The following ZSWIM7 variants were observed in gnomAD, a reference collection of about 807,000 sequenced individuals.
The protein encoded by ZSWIM7 is zinc finger SWIM domain-containing protein 7.
ZSWIM7 carries 22 observed loss-of-function variants against 21.1 expected under a neutral mutation model. The observed-to-expected ratio is 1.04, with a 90% CI of 0.74 to 1.49. ZSWIM7 has a LOEUF of 1.49. ZSWIM7 is among the 40% of genes most tolerant of loss of function. The probability of loss-of-function intolerance (pLI) is 0.00; values close to 1 mark genes in which losing one functional copy is unlikely to be tolerated. For synonymous variants in ZSWIM7, 67 were observed against 66.5 expected (o/e 1.01, Z -0.04); for missense variants, 193 against 168.0 (o/e 1.15, Z -0.82).
rs1458693437 is a variant in ZSWIM7 at position 15,982,674 on chromosome 17, C to T, written c.202-1530G>A. Among the ~76,000 whole-genome samples, 8 of 151,960 alleles carry T rather than the reference C, an allele frequency of 5.3e-5. No homozygotes were observed. The East Asian group carries it at 1.4e-3, about 26-fold the overall frequency. On this transcript the variant is annotated intron_variant, in intron 3 of 4. Coordinates refer to ENST00000399277, the MANE Select transcript of ZSWIM7 (RefSeq NM_001042697.2). Reference sequence around the variant, plus strand: ...TTTTTTAATTTTTGTTTTTTGGAGACAGGATGTTGTTCTGTCATCCAGGCT... The same window carrying T: ...TTTTTTAATTTTTGTTTTTTGGAGATAGGATGTTGTTCTGTCATCCAGGCT...
At chr17:15,996,315 A>C (rs186843893) in intron 1 of ZSWIM7, among the ~76,000 whole-genome samples, 12 of 151,986 alleles carry the variant, frequency 7.9e-5, no homozygotes, top group Admixed American at 5.9e-4. Context: ...AAAAAAACCC[A>C]AAAAAACAAA....
chr17:15,993,635 G>A (rs1970511863), intron 2 of ZSWIM7, 122 bp downstream of exon 2: 1 of 733,920 alleles, frequency 1.4e-6, no homozygotes. Context: ...CAAAGTGCTG[G>A]GATTATAGGC....
rs910345615 is a variant in ZSWIM7 at position 15,977,973 on chromosome 17, T to C, written c.*74A>G. 25 of 1,207,488 alleles carry C rather than the reference T, an allele frequency of 2.1e-5. No individual in the cohort carries two copies. The highest frequency in any genetic ancestry group is 2.7e-5 in the Non-Finnish European group (22 of 819,034). 74.8% of individuals were successfully genotyped at this position (1,207,488 alleles called of 1,614,324 possible). ...GAAGATCCATTTCACCTCTTTTCCA[T>C]GTGAATCATGACGCTTTCAATGCAT... On this transcript the variant is annotated 3_prime_UTR_variant, in exon 5 of 5. Coordinates refer to ENST00000399277, the MANE Select transcript of ZSWIM7 (RefSeq NM_001042697.2).
chr17:15,996,238 G>C (rs149833875), intron 1 of ZSWIM7, among the ~76,000 whole-genome samples: 144 of 152,302 alleles, frequency 9.5e-4, no homozygotes, highest in African/African-American at 3.0e-3. Flanking sequence ...AGGAGGCAGA[G>C]GGTGCGGTGA....
In ZSWIM7 at chr17:15,977,967, T is replaced by C. The variant is rs1970299333; in HGVS notation, c.*80A>G. 1 of 1,174,652 alleles carries C rather than the reference T, an allele frequency of 8.5e-7. No homozygotes were observed. Among genetic ancestry groups the C allele is most frequent in the African/African-American group, 1.5e-5 (1 of 66,356 alleles). The allele number at this position is 1,174,652 out of a possible 1,614,324, so 72.8% of individuals were successfully genotyped here. On this transcript the variant is annotated 3_prime_UTR_variant, in exon 5 of 5. Transcript: ENST00000399277. ...GTGTCTGAAGATCCATTTCACCTCT[T>C]TTCCATGTGAATCATGACGCTTTCA...
intron 4 of ZSWIM7, among the ~76,000 whole-genome samples, chr17:15,979,754 G>A (rs1459230371): frequency 7.3e-6 from 1 of 136,388 alleles, no homozygotes; most frequent in Non-Finnish European, 1.6e-5. Context: ...GGGCAGAGGC[G>A]CCCCTCACCT....
At chr17:15,989,235 T>G (rs1970452555) in intron 2 of ZSWIM7, among the ~76,000 whole-genome samples, 1 of 152,192 alleles carries the variant, frequency 6.6e-6, no homozygotes, top group African/African-American at 2.4e-5. Context: ...GTGAGAAAGG[T>G]TGAAGACAAA....
chr17:15,999,567 CCACAACCGCCGGCAA>C lies in ZSWIM7; in HGVS notation c.13_27del (p.Leu5_Val9del). The stretch of plus-strand genomic sequence containing the variant: ...GCCGCCATCTCGCTCAGGAGCTCCT[CCACAACCGCCGGCAA>C]CACTACGGCCATCGCGCCGCAGGAC... On this transcript the variant is annotated inframe_deletion, in exon 1 of 5. Coordinates refer to ENST00000399277, the MANE Select transcript of ZSWIM7 (RefSeq NM_001042697.2). 1.3e-6 allele frequency: 2 copies of C among 1,588,312 alleles called. No individual in the cohort carries two copies. Among genetic ancestry groups the C allele is most frequent in the Non-Finnish European group, 1.7e-6 (2 of 1,166,918 alleles).
At position 15,981,032 on chromosome 17, in the gene ZSWIM7, A is replaced by G; in HGVS notation, c.306+8T>C. 1 of 1,609,174 alleles carries G rather than the reference A, an allele frequency of 6.2e-7. No homozygotes were observed. Among genetic ancestry groups the G allele is most frequent in the East Asian group, 2.2e-5 (1 of 44,766 alleles). ...AACTACAGTGGGAAGAGTCTTCCCC[A>G]TCCTCACCAGGATGCTGTCACTCTT... On this transcript the variant is annotated splice_region_variant and intron_variant, in intron 4 of 4. Transcript: ENST00000399277.
intron 1 of ZSWIM7, among the ~76,000 whole-genome samples, chr17:15,996,844 T>C (rs1045454837): frequency 1.4e-5 from 2 of 147,434 alleles, no homozygotes; most frequent in African/African-American, 2.5e-5. Flanking sequence ...GAGCAAGACC[T>C]TGTCTCGAAA....
intron 3 of ZSWIM7, among the ~76,000 whole-genome samples, chr17:15,985,198 G>A (rs1348756111): frequency 6.6e-6 from 1 of 151,948 alleles, no homozygotes; most frequent in Non-Finnish European, 1.5e-5. Context: ...CAGCTACTCA[G>A]GAGGCTGAGG....
rs1411792009 is a variant in ZSWIM7 at position 15,995,757 on chromosome 17, G to GA, written c.77-1980dup. Among the ~76,000 whole-genome samples, 7 of 151,764 alleles carry GA rather than the reference G, an allele frequency of 4.6e-5. No individual in the cohort carries two copies. The East Asian group carries it at 1.4e-3, about 29-fold the overall frequency. On this transcript the variant is annotated intron_variant, in intron 1 of 4. Transcript: ENST00000399277. ...TTACAGAAATACCGGAAAGAACAGA[G>GA]AAAACAGATGGAGGGAATTCATCAA...
Position 15,978,090 on chromosome 17 carries a change from T to C in ZSWIM7, c.380A>G (p.Gln127Arg), listed in dbSNP as rs1412566870. The C allele has an allele frequency of 6.2e-7, 1 of 1,614,186 alleles. No individual in the cohort carries two copies. ...CTCCATCAATAATATGTCAGTCAAC[T>C]GCTTGTCAGAGACACTTAGCTGCTG... ...TCQQLSVSDKQLTDILLMEKK... is the reference protein window; with the variant it reads ...TCQQLSVSDKRLTDILLMEKK... The change falls in exon 5 of 5, where the codon CAG (glutamine) becomes CGG (arginine). Residue 127 changes from glutamine to arginine, a missense_variant. Coordinates refer to ENST00000399277, the MANE Select transcript of ZSWIM7 (RefSeq NM_001042697.2).
At chr17:15,986,232 C>T (rs151033923) in intron 3 of ZSWIM7, among the ~76,000 whole-genome samples, 1 of 152,214 alleles carries the variant, frequency 6.6e-6, no homozygotes, top group East Asian at 1.9e-4. Context: ...TTAGTAGACA[C>T]GGGGTTTCAC....
rs752351472 is a variant in ZSWIM7, at chr17:15,993,750, T to C, written c.98+7A>G. 2.0e-6 allele frequency: 3 copies of C among 1,488,952 alleles called. No individual in the cohort carries two copies. The Admixed American group carries it at 5.5e-5, about 27-fold the overall frequency. The allele number at this position is 1,488,952 out of a possible 1,614,324, so 92.2% of individuals were successfully genotyped here. On this transcript the variant is annotated splice_region_variant and intron_variant, in intron 2 of 4. Transcript: ENST00000399277. ...AAAAAATCAAATACAACAGTATATG[T>C]ACTTACGATAACAGATATTCATCAG...
At chr17:15,984,244 T>G (rs150713937) in intron 3 of ZSWIM7, among the ~76,000 whole-genome samples, 1 of 152,346 alleles carries the variant, frequency 6.6e-6, no homozygotes, top group East Asian at 1.9e-4. Flanking sequence ...AGTGGACAAC[T>G]AATGAACCCA....
At chr17:15,995,490 G>A (rs775882380) in intron 1 of ZSWIM7, among the ~76,000 whole-genome samples, 89 of 149,098 alleles carry the variant, frequency 6.0e-4, no homozygotes, top group Non-Finnish European at 1.1e-3. Context: ...TCGAACTCCC[G>A]ACTTCAGATG....
Position 15,977,953 on chromosome 17 carries a change from T to C in ZSWIM7, c.*94A>G. The C allele has an allele frequency of 9.8e-7, 1 of 1,016,804 alleles. No homozygotes were observed. The allele number at this position is 1,016,804 out of a possible 1,614,324, so 63.0% of individuals were successfully genotyped here. On this transcript the variant is annotated 3_prime_UTR_variant, in exon 5 of 5. Transcript: ENST00000399277. Reference sequence around the variant, plus strand: ...GACAGTAACATGAAGTGTCTGAAGATCCATTTCACCTCTTTTCCATGTGAA... The same window carrying C: ...GACAGTAACATGAAGTGTCTGAAGACCCATTTCACCTCTTTTCCATGTGAA...
intron 2 of ZSWIM7, among the ~76,000 whole-genome samples, chr17:15,992,691 G>T (rs906033806): frequency 6.6e-6 from 1 of 150,952 alleles, no homozygotes; most frequent in South Asian, 2.1e-4. Flanking sequence ...CGCCCGTCTC[G>T]GCCTCCCAAA....
Sources: allele counts gnomAD v4.1 joint callset (sites outside exome capture counted in the v4.1 genomes callset), GRCh38; gene constraint gnomAD v4.1.1; transcripts MANE v1.5; gene names NCBI Gene and HGNC (gene_info 2026-07-23, HGNC 2026-07-21).